Variants in COL25A1 observed in about 807,000 individuals in gnomAD.
The protein encoded by COL25A1 is collagen type XXV alpha 1 chain.
A neutral mutation model predicts 128.4 loss-of-function variants in COL25A1; 103 were observed. The ratio of observed to expected loss-of-function variants is 0.80; its 90% CI spans 0.68 to 0.94. The LOEUF is 0.94. COL25A1 is among the 40% of genes least tolerant of loss of function. The probability of loss-of-function intolerance (pLI) is 0.00; values close to 1 mark genes in which losing one functional copy is unlikely to be tolerated. For missense variants in COL25A1, 745 were observed against 840.0 expected (o/e 0.89, Z 1.40); for synonymous variants, 279 against 277.2 (o/e 1.01, Z -0.06).
intron 20 of COL25A1, among the ~76,000 whole-genome samples, chr4:108,867,177 G>C (rs1269082299): frequency 6.6e-6 from 1 of 152,188 alleles, no homozygotes; most frequent in Non-Finnish European, 1.5e-5. Context: ...TCTACTGCTT[G>C]TGTTTTTTCT....
intron 11 of COL25A1, among the ~76,000 whole-genome samples, chr4:108,924,985 C>T (rs893947627): frequency 4.6e-5 from 7 of 152,270 alleles, no homozygotes; most frequent in Non-Finnish European, 8.8e-5. Context: ...AATTTTCCAA[C>T]AATAATCATA....
chr4:108,931,590 A>G (rs1746747315), intron 11 of COL25A1, among the ~76,000 whole-genome samples: 1 of 152,182 alleles, frequency 6.6e-6, no homozygotes, highest in Non-Finnish European at 1.5e-5. Context: ...GCTTCAAAGG[A>G]AAGTCAAATG....
chr4:109,069,095 T>A (rs1011969937), intron 3 of COL25A1, among the ~76,000 whole-genome samples: 12 of 151,832 alleles, frequency 7.9e-5, no homozygotes, highest in African/African-American at 2.9e-4. Flanking sequence ...CAAATATTTT[T>A]AAAATATTTA....
chr4:109,090,265 T>C (rs1045514566), intron 3 of COL25A1, among the ~76,000 whole-genome samples: 1 of 152,206 alleles, frequency 6.6e-6, no homozygotes, highest in African/African-American at 2.4e-5. Context: ...TAGCAAACCT[T>C]TGCTAATTTA....
At chr4:108,974,226 A>T in intron 8 of COL25A1, 141 bp downstream of exon 8, 1 of 767,322 alleles carries the variant, frequency 1.3e-6, no homozygotes, top group Non-Finnish European at 2.2e-6. Flanking sequence ...GGTTTTTTTC[A>T]CTTACAAGTG....
chr4:108,814,444 T>C (rs912567047), intron 37 of COL25A1, among the ~76,000 whole-genome samples: 1 of 152,162 alleles, frequency 6.6e-6, no homozygotes, highest in African/African-American at 2.4e-5. Context: ...AGCCTTGCCC[T>C]CTGTGAATGT....
At chr4:109,050,333 G>A (rs931614682) in intron 3 of COL25A1, among the ~76,000 whole-genome samples, 154 bp from the exon 4 acceptor site, 2 of 152,056 alleles carry the variant, frequency 1.3e-5, no homozygotes, top group Admixed American at 6.6e-5. Flanking sequence ...ATTGTCTTTA[G>A]TGTTTCAGCA....
rs141040608 is a variant in COL25A1, at chr4:109,035,533, T to C, written c.420+12635A>G. Among the ~76,000 whole-genome samples, 5 of 152,352 alleles carry C rather than the reference T, an allele frequency of 3.3e-5. No individual in the cohort carries two copies. In the East Asian group the frequency reaches 9.6e-4, roughly 29 times the overall value. Reference sequence around the variant, plus strand: ...AGAAATGACCGGGGTACTTTAGTTATTGGAATTTCTAGATAGTATTGGAAG... The same window carrying C: ...AGAAATGACCGGGGTACTTTAGTTACTGGAATTTCTAGATAGTATTGGAAG... On this transcript the variant is annotated intron_variant, in intron 5 of 37. Coordinates refer to ENST00000399132, the MANE Select transcript of COL25A1 (RefSeq NM_198721.4).
chr4:109,278,733 T>A (rs1016414252), intron 3 of COL25A1, among the ~76,000 whole-genome samples: 2 of 152,230 alleles, frequency 1.3e-5, no homozygotes, highest in Non-Finnish European at 2.9e-5. Flanking sequence ...AATGTTCACT[T>A]CCCTTAAAGG....
chr4:109,047,170 C>T (rs956602884), intron 5 of COL25A1, among the ~76,000 whole-genome samples: 2 of 152,138 alleles, frequency 1.3e-5, no homozygotes, highest in African/African-American at 4.8e-5. Context: ...GTATCATTTC[C>T]ATGATCATGT....
chr4:109,161,430 C>A (rs899434293), intron 3 of COL25A1, among the ~76,000 whole-genome samples: 5 of 152,040 alleles, frequency 3.3e-5, no homozygotes, highest in Non-Finnish European at 2.9e-5. Context: ...TAAATCTGTT[C>A]TTTCTTTCTT....
intron 3 of COL25A1, among the ~76,000 whole-genome samples, chr4:109,205,314 A>G (rs529817158): frequency 6.6e-6 from 1 of 152,270 alleles, no homozygotes; most frequent in African/African-American, 2.4e-5. Flanking sequence ...TGCTTGCTTC[A>G]GTAATCAGCC....
chr4:108,941,380 G>A lies in COL25A1; in HGVS notation c.550C>T (p.Arg184Cys), dbSNP rs377488837. ...ATAAGCACTACCTTAATCAGGCGGC[G>A]TTTAATGAGCTGCTGATCAGCAGAG... ...FLSADQQLIK[R>C]RLIKGDQGQA... The change falls in exon 9 of 38, where the codon CGC becomes TGC. Residue 184 changes from arginine to cysteine, a missense_variant. Transcript: ENST00000399132. 3.6e-5 allele frequency: 58 copies of A among 1,613,690 alleles called. No individual in the cohort carries two copies. Among genetic ancestry groups the A allele is most frequent in the East Asian group, 6.7e-5 (3 of 44,868 alleles).
At chr4:108,871,982 G>T (rs573470851) in intron 19 of COL25A1, among the ~76,000 whole-genome samples, 5 of 152,156 alleles carry the variant, frequency 3.3e-5, no homozygotes, top group African/African-American at 4.8e-5. Context: ...TATACCAGAG[G>T]TTCTCAAAGT....
chr4:109,251,065 T>C (rs1780613896), intron 3 of COL25A1, among the ~76,000 whole-genome samples: 1 of 152,224 alleles, frequency 6.6e-6, no homozygotes, highest in Non-Finnish European at 1.5e-5. Context: ...AAATTAATAC[T>C]ACTTAATACT....
At chr4:108,984,378 C>G (rs188681872) in intron 6 of COL25A1, among the ~76,000 whole-genome samples, 2,501 of 152,326 alleles carry the variant, frequency 0.016, 25 homozygotes, top group Non-Finnish European at 0.023. Flanking sequence ...GCCAGTCCCC[C>G]ACAGTGCGCC....
In COL25A1 at chr4:109,148,263, T is replaced by C. The variant is rs369397421; in HGVS notation, c.368-98084A>G. 7.9e-5 allele frequency among the ~76,000 whole-genome samples: 12 copies of C among 152,214 alleles called. No homozygotes were observed. In the South Asian group the frequency reaches 2.5e-3, roughly 32 times the overall value. On this transcript the variant is annotated intron_variant, in intron 3 of 37. Transcript: ENST00000399132. Reference sequence around the variant, plus strand: ...CTCTTAAACACTTGCCACACAACTTTCCAGATATAAAAAAATTGACATAAA... The same window carrying C: ...CTCTTAAACACTTGCCACACAACTTCCCAGATATAAAAAAATTGACATAAA...
intron 3 of COL25A1, among the ~76,000 whole-genome samples, chr4:109,241,380 T>C (rs1381648127): frequency 6.6e-6 from 1 of 152,040 alleles, no homozygotes; most frequent in African/African-American, 2.4e-5. Flanking sequence ...TTGTGTTTTC[T>C]AGAGTGCCTT....
At chr4:109,187,218 C>A (rs1047288262) in intron 3 of COL25A1, among the ~76,000 whole-genome samples, 3 of 136,356 alleles carry the variant, frequency 2.2e-5, no homozygotes, top group African/African-American at 2.8e-5. Flanking sequence ...CACACACACA[C>A]ACACACACAC....
Sources: allele counts gnomAD v4.1 joint callset (sites outside exome capture counted in the v4.1 genomes callset), GRCh38; gene constraint gnomAD v4.1.1; transcripts MANE v1.5; gene names NCBI Gene and HGNC (gene_info 2026-07-23, HGNC 2026-07-21).